Variants in FMN1 observed in about 807,000 individuals in gnomAD.
The protein encoded by FMN1 is formin 1.
Under a neutral mutation model 132.4 loss-of-function variants are expected in FMN1, and 110 were observed. The ratio of observed to expected loss-of-function variants is 0.83; its 90% CI spans 0.71 to 0.97. FMN1 has a LOEUF of 0.97. FMN1 is among the 50% of genes least tolerant of loss of function. The pLI is 0.00. For synonymous variants in FMN1, 722 were observed against 651.7 expected, an observed-to-expected ratio of 1.11 and a Z score of -1.64; for missense variants, 1,792 against 1,705.3, an observed-to-expected ratio of 1.05 and a Z score of -0.90.
intron 15 of FMN1, among the ~76,000 whole-genome samples, chr15:32,898,124 G>A (rs1001209519): frequency 6.6e-6 from 1 of 152,166 alleles, no homozygotes; most frequent in Non-Finnish European, 1.5e-5. Context: ...GAAAGGCCCT[G>A]AGATCTCTAC....
chr15:33,015,868 C>T (rs2035016893), intron 6 of FMN1, among the ~76,000 whole-genome samples: 1 of 152,194 alleles, frequency 6.6e-6, no homozygotes, highest in Non-Finnish European at 1.5e-5. Flanking sequence ...ATCAAACACA[C>T]ACATAAAACC....
chr15:32,779,223 G>C (rs527363515), intron 19 of FMN1, among the ~76,000 whole-genome samples: 3 of 152,278 alleles, frequency 2.0e-5, no homozygotes, highest in Admixed American at 2.0e-4. Context: ...AATGGTTGTA[G>C]ACCCTTGTGA....
intron 7 of FMN1, among the ~76,000 whole-genome samples, chr15:32,987,578 T>G (rs2033150211): frequency 1.3e-5 from 2 of 152,148 alleles, no homozygotes; most frequent in Non-Finnish European, 2.9e-5. Flanking sequence ...GAAAAAAACT[T>G]TGATTTTTAT....
At chr15:32,883,264 A>G (rs547698764) in intron 16 of FMN1, among the ~76,000 whole-genome samples, 1 of 152,134 alleles carries the variant, frequency 6.6e-6, no homozygotes, top group Non-Finnish European at 1.5e-5. Context: ...GCACTATGGG[A>G]GGCCAAGGCC....
At chr15:32,785,190 G>GTATATATATA (rs1595904133) in intron 19 of FMN1, among the ~76,000 whole-genome samples, 1 of 25,216 alleles carries the variant, frequency 4.0e-5, no homozygotes, top group African/African-American at 1.3e-4. Context: ...GTGTGTGTGT[G>GTATATATATA]TGTGTGTGTG....
chr15:33,018,621 T>A lies in FMN1; in HGVS notation c.2162-10546A>T, dbSNP rs535253573. ...GTACCTTGTCCTATGCATCTCTTCA[T>A]CTGTATCCTTTGTACCATTGTGTCC... On this transcript the variant is annotated intron_variant, in intron 6 of 20. Transcript: ENST00000616417. 2.6e-5 allele frequency among the ~76,000 whole-genome samples: 4 copies of A among 152,350 alleles called. No individual in the cohort carries two copies. The South Asian group carries it at 6.2e-4, about 24-fold the overall frequency.
At chr15:33,100,226 A>T (rs867657716) in intron 4 of FMN1, among the ~76,000 whole-genome samples, 2,572 of 137,430 alleles carry the variant, frequency 0.019, 77 homozygotes, top group African/African-American at 0.076. Context: ...TTCACAGTAA[A>T]AAAAAAAAAA....
intron 10 of FMN1, among the ~76,000 whole-genome samples, chr15:32,914,992 C>T (rs955106592): frequency 4.6e-5 from 7 of 152,188 alleles, no homozygotes; most frequent in Non-Finnish European, 1.0e-4. Context: ...TCTCCTCTTC[C>T]ACGGAAGGAT....
rs145670863 is a variant in FMN1, at chr15:32,837,156, G to C, written c.3928+19859C>G. On this transcript the variant is annotated intron_variant, in intron 17 of 20. Coordinates refer to ENST00000616417, the MANE Select transcript of FMN1 (RefSeq NM_001277313.2). ...TGATCTTGATGAGCTCACTCAGGTT[G>C]ATGTGGTCCAGTACAAGGAACATTG... The C allele has an allele frequency of 1.3e-5, 3 of 227,110 alleles. No homozygotes were observed. In the East Asian group the frequency reaches 3.3e-4, roughly 25 times the overall value. The allele number at this position is 227,110 out of a possible 1,614,324, so 14.1% of individuals were successfully genotyped here.
chr15:33,109,840 T>TAA (rs66923699), intron 4 of FMN1, among the ~76,000 whole-genome samples: 50,795 of 146,392 alleles, frequency 0.35, 9,288 homozygotes, highest in Admixed American at 0.41. Context: ...AAATGAAAGT[T>TAA]AAAAAAAAAA....
intron 4 of FMN1, among the ~76,000 whole-genome samples, chr15:33,134,763 A>T (rs1431430291): frequency 2.0e-5 from 3 of 152,210 alleles, no homozygotes; most frequent in Admixed American, 1.3e-4. Flanking sequence ...GCACTTTGGG[A>T]GGCCAAGGTG....
rs144538248 is a variant in FMN1, at chr15:33,081,245, G to A, written c.2043+7554C>T. Among the ~76,000 whole-genome samples the A allele has an allele frequency of 5.3e-5, 8 of 152,196 alleles. No individual in the cohort carries two copies. The East Asian group carries it at 1.5e-3, about 29-fold the overall frequency. ...CTACCATACCCCCACCTTGCTAACTGGTTTGGCAGGCAGCAAACGGTTGAA... is the reference window on the plus strand; with the variant it reads ...CTACCATACCCCCACCTTGCTAACTAGTTTGGCAGGCAGCAAACGGTTGAA... On this transcript the variant is annotated intron_variant, in intron 5 of 20. Coordinates refer to ENST00000616417, the MANE Select transcript of FMN1 (RefSeq NM_001277313.2).
intron 4 of FMN1, among the ~76,000 whole-genome samples, chr15:33,111,801 G>A (rs952939793): frequency 3.3e-5 from 5 of 152,220 alleles, no homozygotes; most frequent in East Asian, 1.9e-4. Context: ...GTGGGAAAAT[G>A]GTGAGTGACT....
intron 4 of FMN1, chr15:33,150,846 G>A (rs1964411247): frequency 3.0e-6 from 3 of 989,482 alleles, no homozygotes; most frequent in South Asian, 9.3e-5. Context: ...TAGCTAACCT[G>A]GGAGAAAGGT....
chr15:32,835,955 G>T (rs974594082), intron 17 of FMN1, among the ~76,000 whole-genome samples: 3 of 151,772 alleles, frequency 2.0e-5, no homozygotes, highest in African/African-American at 4.8e-5. Flanking sequence ...CAATCTTCTG[G>T]GCTCAAGTGT....
intron 4 of FMN1, among the ~76,000 whole-genome samples, chr15:33,092,779 C>A (rs905189646): frequency 6.6e-6 from 1 of 152,176 alleles, no homozygotes; most frequent in South Asian, 2.1e-4. Flanking sequence ...CCACTAGAAG[C>A]ACTGTAATTA....
intron 6 of FMN1, among the ~76,000 whole-genome samples, chr15:33,016,148 TATAA>T (rs1188311128): frequency 2.2e-4 from 33 of 152,182 alleles, no homozygotes; most frequent in Admixed American, 5.9e-4. Context: ...GTAAAAATAG[TATAA>T]ATATGTATCA....
In FMN1 at chr15:33,012,561, C is replaced by G. The variant is rs757269499; in HGVS notation, c.2162-4486G>C. On this transcript the variant is annotated intron_variant, in intron 6 of 20. Coordinates refer to ENST00000616417, the MANE Select transcript of FMN1 (RefSeq NM_001277313.2). ...GCAGTGGCAAGAAAAGGGGCTTTGCCTTTGTAACCTTTGACAACCATGACT... is the reference window on the plus strand; with the variant it reads ...GCAGTGGCAAGAAAAGGGGCTTTGCGTTTGTAACCTTTGACAACCATGACT... 336 of 1,490,032 alleles carry G rather than the reference C, an allele frequency of 2.3e-4. 1 individual carries two copies. The highest frequency in any genetic ancestry group is 3.1e-4 in the Non-Finnish European group (332 of 1,083,364). 92.3% of individuals were successfully genotyped at this position (1,490,032 alleles called of 1,614,324 possible).
At chr15:33,041,535 A>C (rs912906461) in intron 6 of FMN1, among the ~76,000 whole-genome samples, 1 of 151,926 alleles carries the variant, frequency 6.6e-6, no homozygotes, top group African/African-American at 2.4e-5. Flanking sequence ...TAATGTTTAC[A>C]ATCTGATTAA....
Sources: allele counts gnomAD v4.1 joint callset (sites outside exome capture counted in the v4.1 genomes callset), GRCh38; gene constraint gnomAD v4.1.1; transcripts MANE v1.5; gene names NCBI Gene and HGNC (gene_info 2026-07-23, HGNC 2026-07-21).